The following GRB10 variants were observed in gnomAD, a reference collection of about 807,000 sequenced individuals.
The protein encoded by GRB10 is growth factor receptor-bound protein 10.
Under a neutral mutation model 80.9 loss-of-function variants are expected in GRB10, and 20 were observed. The observed-to-expected ratio is 0.25, with a 90% confidence interval of 0.17 to 0.36. GRB10 has a LOEUF of 0.36. Ranked by LOEUF, GRB10 falls within the 10% of genes least tolerant of loss-of-function variation. The pLI, the probability that GRB10 is intolerant of heterozygous loss-of-function variation, is 1.00. For missense variants in GRB10, 548 were observed against 747.7 expected, an observed-to-expected ratio of 0.73 and a Z score of 3.12; for synonymous variants, 291 against 291.5, an observed-to-expected ratio of 1.00 and a Z score of 0.02.
chr7:50,617,944 T>G, intron 10 of GRB10, 127 bp downstream of exon 10: 1 of 858,810 alleles, frequency 1.2e-6, no homozygotes, highest in South Asian at 1.4e-5. Flanking sequence ...CCCTCCGGCT[T>G]AAGAGCCAAG....
chr7:50,692,512 C>A (rs2299155), intron 5 of GRB10, among the ~76,000 whole-genome samples: 7 of 151,998 alleles, frequency 4.6e-5, no homozygotes, highest in Non-Finnish European at 8.8e-5. Flanking sequence ...GAAGACAGGG[C>A]GCTAGGGACC....
intron 4 of GRB10, among the ~76,000 whole-genome samples, chr7:50,704,985 T>C (rs2064833321): frequency 6.6e-6 from 1 of 152,162 alleles, no homozygotes; most frequent in African/African-American, 2.4e-5. Context: ...AAAGGCACAT[T>C]GATTTCAACA....
At chr7:50,687,061 T>C (rs773497018) in intron 5 of GRB10, among the ~76,000 whole-genome samples, 8 of 152,176 alleles carry the variant, frequency 5.3e-5, no homozygotes, top group Non-Finnish European at 8.8e-5. Context: ...AGGTGGGAAA[T>C]AGATTCATCA....
chr7:50,594,990 A>T (rs1174244438), intron 18 of GRB10, among the ~76,000 whole-genome samples: 1 of 152,198 alleles, frequency 6.6e-6, no homozygotes, highest in Non-Finnish European at 1.5e-5. Flanking sequence ...AGCAGCCAAC[A>T]GGCAATCCTG....
At chr7:50,670,324 A>T (rs892314252) in intron 6 of GRB10, among the ~76,000 whole-genome samples, 1 of 152,188 alleles carries the variant, frequency 6.6e-6, no homozygotes, top group Non-Finnish European at 1.5e-5. Flanking sequence ...TTTCAGTTTC[A>T]TAAGATGAGA....
At chr7:50,687,326 C>T (rs1277177018) in intron 5 of GRB10, among the ~76,000 whole-genome samples, 2 of 152,240 alleles carry the variant, frequency 1.3e-5, no homozygotes, top group African/African-American at 4.8e-5. Context: ...ACCAAGTCTA[C>T]CTGACCATGC....
rs199595961 is a variant in GRB10 at position 50,614,799 on chromosome 7, C to A, written c.1066G>T (p.Ala356Ser). ...ATGCAGAGCCCGTGGTCTGTAGGGGCGTTGTACTGCTTCCTGCCAGCGATC... is the reference window on the plus strand; with the variant it reads ...ATGCAGAGCCCGTGGTCTGTAGGGGAGTTGTACTGCTTCCTGCCAGCGATC... ...SLIAGRKQYN[A>S]PTDHGLCIKP... The change falls in exon 12 of 19, where the codon GCC (alanine) becomes TCC (serine). Residue 356 changes from alanine to serine, a missense_variant. Ala to Ser is a moderately conservative substitution (Grantham distance 99). Coordinates refer to ENST00000401949, the MANE Select transcript of GRB10 (RefSeq NM_001350814.2). 92 of 1,613,694 alleles carry A rather than the reference C, an allele frequency of 5.7e-5. No individual in the cohort carries two copies. The highest frequency in any genetic ancestry group is 7.3e-5 in the Non-Finnish European group (86 of 1,179,794).
At chr7:50,685,958 C>G (rs2062058303) in intron 5 of GRB10, among the ~76,000 whole-genome samples, 1 of 152,138 alleles carries the variant, frequency 6.6e-6, no homozygotes, top group Non-Finnish European at 1.5e-5. Flanking sequence ...AGCTGTAACC[C>G]TCAAACCGCC....
At chr7:50,666,230 G>A (rs889303665) in intron 7 of GRB10, among the ~76,000 whole-genome samples, 2 of 152,152 alleles carry the variant, frequency 1.3e-5, no homozygotes, top group Non-Finnish European at 2.9e-5. Flanking sequence ...TGTCACCATC[G>A]TGCTAAGCTC....
intron 7 of GRB10, among the ~76,000 whole-genome samples, chr7:50,641,838 T>A (rs1030458367): frequency 7.2e-5 from 11 of 152,154 alleles, no homozygotes; most frequent in Non-Finnish European, 1.3e-4. Context: ...TGATGCTCAG[T>A]GGCCTGAGGA....
At chr7:50,609,600 C>T (rs1281411030) in intron 13 of GRB10, among the ~76,000 whole-genome samples, 3 of 152,158 alleles carry the variant, frequency 2.0e-5, no homozygotes, top group Non-Finnish European at 2.9e-5. Flanking sequence ...ATTGCCTTTT[C>T]AATGTCAGGT....
chr7:50,783,408 T>TCA (rs1179614555), upstream of GRB10, among the ~76,000 whole-genome samples: 13 of 138,084 alleles, frequency 9.4e-5, no homozygotes, highest in African/African-American at 1.4e-4. Flanking sequence ...GCTAGTCACT[T>TCA]CACACACACA....
At chr7:50,784,530 G>C (rs534294230), upstream of GRB10, among the ~76,000 whole-genome samples, 2 of 152,324 alleles carry the variant, frequency 1.3e-5, no homozygotes, top group African/African-American at 4.8e-5. Context: ...GCAGGACAGA[G>C]GGCTTCCCTG....
In GRB10 at chr7:50,590,512, G is replaced by A. The variant is rs746851306; in HGVS notation, c.*2440C>T. 4 of 152,582 alleles carry A rather than the reference G, an allele frequency of 2.6e-5. No homozygotes were observed. The highest frequency in any genetic ancestry group is 4.8e-5 in the African/African-American group (2 of 41,442). The allele number at this position is 152,582 out of a possible 1,614,324, so 9.5% of individuals were successfully genotyped here. A position where few individuals can be genotyped will look rare whatever the true frequency, so the allele number is the denominator to read the frequency against. On this transcript the variant is annotated 3_prime_UTR_variant, in exon 19 of 19. Transcript: ENST00000401949. ...AACTCTAATAACCAAAGCATTTGGC[G>A]TTTTCCTTCTCAACTTCGTCCTGGT...
intron 1 of GRB10, among the ~76,000 whole-genome samples, chr7:50,792,281 A>C (rs552441353): frequency 6.6e-6 from 1 of 150,812 alleles, no homozygotes; most frequent in East Asian, 2.0e-4. Context: ...CCAAGTTTGC[A>C]AGAAAATATT....
intron 9 of GRB10, among the ~76,000 whole-genome samples, chr7:50,618,759 C>T (rs986838196): frequency 3.9e-5 from 6 of 152,214 alleles, no homozygotes; most frequent in Non-Finnish European, 5.9e-5. Context: ...ACCAACCAAT[C>T]GCACTGATTT....
In GRB10 at chr7:50,603,951, A is replaced by G. The variant is rs763646320; in HGVS notation, c.1544+47T>C. The G allele has an allele frequency of 2.8e-5, 39 of 1,382,574 alleles. No homozygotes were observed. In the South Asian group the frequency reaches 4.5e-4, roughly 16 times the overall value. 85.6% of individuals were successfully genotyped at this position (1,382,574 alleles called of 1,614,324 possible). A position where few individuals can be genotyped will look rare whatever the true frequency, so the allele number is the denominator to read the frequency against. ...ATTAAACAGAACAGATCCCCAGCAC[A>G]ATAAAACCTTAGCAGATGACAGCTC... On this transcript the variant is annotated intron_variant, in intron 17 of 18. Coordinates refer to ENST00000401949, the MANE Select transcript of GRB10 (RefSeq NM_001350814.2).
chr7:50,732,967 A>G (rs539262135), intron 3 of GRB10, among the ~76,000 whole-genome samples: 1 of 152,272 alleles, frequency 6.6e-6, no homozygotes, highest in East Asian at 1.9e-4. Context: ...GAATAACAAC[A>G]ACAAAAATCA....
chr7:50,721,390 G>C (rs980980277), intron 4 of GRB10, among the ~76,000 whole-genome samples: 32 of 152,360 alleles, frequency 2.1e-4, no homozygotes, highest in African/African-American at 7.2e-4. Context: ...GAGTCACAGA[G>C]GAGCCGTCGC....
Sources: allele counts gnomAD v4.1 joint callset (sites outside exome capture counted in the v4.1 genomes callset), GRCh38; gene constraint gnomAD v4.1.1; transcripts MANE v1.5; gene names NCBI Gene and HGNC (gene_info 2026-07-23, HGNC 2026-07-21).